DDR1: variants seen among roughly 807,000 people sequenced by gnomAD.
The protein encoded by DDR1 is epithelial discoidin domain-containing receptor 1.
Under a neutral mutation model 97.4 loss-of-function variants are expected in DDR1, and 64 were observed. The ratio of observed to expected loss-of-function variants is 0.66; its 90% confidence interval spans 0.54 to 0.81. DDR1 has a LOEUF of 0.81. Ranked by LOEUF, DDR1 falls within the 30% of genes least tolerant of loss-of-function variation. The pLI is 0.00. For synonymous variants in DDR1, 458 were observed against 503.7 expected (o/e 0.91, Z 1.21); for missense variants, 990 against 1,259.6 (o/e 0.79, Z 3.24).
In DDR1 at chr6:30,897,993, G is replaced by GGGGAGT; in HGVS notation, c.2217-76_2217-71dup. 8.9e-7 allele frequency: 1 copy of GGGGAGT among 1,122,986 alleles called. No individual in the cohort carries two copies. The highest frequency in any genetic ancestry group is 1.4e-5 in the South Asian group (1 of 73,452). 69.6% of individuals were successfully genotyped at this position (1,122,986 alleles called of 1,614,324 possible). On this transcript the variant is annotated intron_variant, in intron 15 of 17. Transcript: ENST00000376568. The surrounding 1 kb of genome is among the most constrained non-coding windows in gnomAD (Gnocchi z 5.2). ...ATGGGGAGCCAGAGTGACCGGGCCCGGGGAGTGGGCTCTCTCTCCTCTCCT... is the reference window on the plus strand; with the variant it reads ...ATGGGGAGCCAGAGTGACCGGGCCCGGGGAGTGGGAGTGGGCTCTCTCTCCTCTCCT...
intron 12 of DDR1, among the ~76,000 whole-genome samples, 187 bp downstream of exon 12, chr6:30,895,701 C>G (rs991945055): frequency 7.9e-5 from 12 of 152,182 alleles, no homozygotes; most frequent in African/African-American, 2.4e-4. Context: ...TAAGGTCCCC[C>G]CCTTGAGCTG....
In DDR1 at chr6:30,897,144, G is replaced by A. The variant is rs906588313; in HGVS notation, c.1997+3G>A. 7 of 1,613,538 alleles carry A rather than the reference G, an allele frequency of 4.3e-6. No homozygotes were observed. The Admixed American group carries it at 1.0e-4, about 23-fold the overall frequency. Reference sequence around the variant, plus strand: ...CCAGATGCCACCAAGAATGCCAGGTGAGGACCAGGGATGGCATCTGGAAGA... The same window carrying A: ...CCAGATGCCACCAAGAATGCCAGGTAAGGACCAGGGATGGCATCTGGAAGA... On this transcript the variant is annotated splice_donor_region_variant and intron_variant, in intron 14 of 17. Transcript: ENST00000376568. The surrounding 1 kb of genome is among the most constrained non-coding windows in gnomAD (Gnocchi z 5.2).
At chr6:30,892,611 T>C (rs1295740833) in intron 8 of DDR1, 69 bp downstream of exon 8, 54 of 1,496,122 alleles carry the variant, frequency 3.6e-5, no homozygotes, top group Middle Eastern at 1.9e-4. Flanking sequence ...AACCCTGCAG[T>C]GTCCCTAAAA....
intron 11 of DDR1, 90 bp from the exon 12 acceptor site, chr6:30,895,314 C>A: frequency 3.3e-6 from 3 of 898,368 alleles, no homozygotes; most frequent in Non-Finnish European, 5.3e-6. Flanking sequence ...ATCCCATCAG[C>A]CCTGGTCTTG....
chr6:30,895,417 C>T lies in DDR1; in HGVS notation c.1527C>T (p.Ser509=). Residue 509 remains serine, a synonymous_variant, in exon 12 of 18, where the codon TCC becomes TCT. Transcript: ENST00000376568. The part of the protein sequence containing the change: ...CVPNGSALLL[S]NPAYRLLLAT... The stretch of plus-strand genomic sequence containing the variant: ...TTCTCCCGACAGCGTTGCTGCTCTC[C>T]AATCCAGCCTACCGCCTCCTTCTGG... 6.2e-7 allele frequency: 1 copy of T among 1,610,874 alleles called. No individual in the cohort carries two copies. Among genetic ancestry groups the T allele is most frequent in the South Asian group, 1.1e-5 (1 of 90,462 alleles).
rs1027010647 is a variant in DDR1, at chr6:30,886,488, G to A, written c.-43+1778G>A. ...CTCAGCTGCTGCTTCAGAGCTCTGG[G>A]GTCTCAGCTGCCTCTTACATTCCTG... On this transcript the variant is annotated intron_variant, in intron 1 of 17. Coordinates refer to ENST00000376568, the MANE Select transcript of DDR1 (RefSeq NM_001297654.2). The surrounding 1 kb of genome is among the most constrained non-coding windows in gnomAD (Gnocchi z 4.6). 6.6e-6 allele frequency among the ~76,000 whole-genome samples: 1 copy of A among 152,172 alleles called. No homozygotes were observed. Among genetic ancestry groups the A allele is most frequent in the Non-Finnish European group, 1.5e-5 (1 of 68,020 alleles).
Position 30,897,210 on chromosome 6 carries a change from G to T in DDR1, c.1997+69G>T. 6.3e-7 allele frequency: 1 copy of T among 1,582,084 alleles called. No individual in the cohort carries two copies. On this transcript the variant is annotated intron_variant, in intron 14 of 17. Transcript: ENST00000376568. The surrounding 1 kb of genome is among the most constrained non-coding windows in gnomAD (Gnocchi z 5.2). ...TGAAGAGTGGGGAGCCATCTAGAGA[G>T]AACAATGGCAGAGCCCAACAGAGGG...
Position 30,893,483 on chromosome 6 carries a change from C to T in DDR1, c.1347+60C>T, listed in dbSNP as rs1254106149. 7.8e-6 allele frequency: 12 copies of T among 1,548,140 alleles called. 1 individual carries two copies. The highest frequency in any genetic ancestry group is 7.2e-5 in the South Asian group (6 of 83,548). Reference sequence around the variant, plus strand: ...GAGGCCAGGCCCCAGCACGAGCCAGCGTCCAGTGGGACCTGCAGGGCACAG... The same window carrying T: ...GAGGCCAGGCCCCAGCACGAGCCAGTGTCCAGTGGGACCTGCAGGGCACAG... On this transcript the variant is annotated intron_variant, in intron 10 of 17. Coordinates refer to ENST00000376568, the MANE Select transcript of DDR1 (RefSeq NM_001297654.2).
chr6:30,894,048 G>A lies in DDR1; in HGVS notation c.1348-458G>A, dbSNP rs1426465206. 6.6e-6 allele frequency among the ~76,000 whole-genome samples: 1 copy of A among 152,010 alleles called. No homozygotes were observed. Among genetic ancestry groups the A allele is most frequent in the Non-Finnish European group, 1.5e-5 (1 of 68,008 alleles). ...GAGGATCACCTGAGGTCAAGAGTTC[G>A]AGACCAGCCTGACCAACATGGTGAA... On this transcript the variant is annotated intron_variant, in intron 10 of 17. Coordinates refer to ENST00000376568, the MANE Select transcript of DDR1 (RefSeq NM_001297654.2). The surrounding 1 kb of genome is among the most constrained non-coding windows in gnomAD (Gnocchi z 5.7).
Position 30,894,409 on chromosome 6 carries a change from G to C in DDR1, c.1348-97G>C. ...TAGTATCCACAGCTGTAGGGCTCTT[G>C]TGAGGGCTGAGGGAGGGAACGCAGG... On this transcript the variant is annotated intron_variant, in intron 10 of 17. Coordinates refer to ENST00000376568, the MANE Select transcript of DDR1 (RefSeq NM_001297654.2). The surrounding 1 kb of genome is among the most constrained non-coding windows in gnomAD (Gnocchi z 5.7). 7.9e-7 allele frequency: 1 copy of C among 1,264,132 alleles called. No homozygotes were observed. Among genetic ancestry groups the C allele is most frequent in the South Asian group, 1.6e-5 (1 of 62,226 alleles). The allele number at this position is 1,264,132 out of a possible 1,614,324, so 78.3% of individuals were successfully genotyped here. A position where few individuals can be genotyped will look rare whatever the true frequency, so the allele number is the denominator to read the frequency against.
rs1427342726 is a variant in DDR1 at position 30,884,763 on chromosome 6, G to C, written c.-43+53G>C. 1 of 167,068 alleles carries C rather than the reference G, an allele frequency of 6.0e-6. No individual in the cohort carries two copies. The highest frequency in any genetic ancestry group is 2.4e-5 in the African/African-American group (1 of 42,000). 10.3% of individuals were successfully genotyped at this position (167,068 alleles called of 1,614,324 possible). ...GGCGGAGGCCTGGGGCTCTTGGGGT[G>C]GGGGCGCGCGGCGGCGCCTGCAGGG... On this transcript the variant is annotated intron_variant, in intron 1 of 17. Transcript: ENST00000376568. The surrounding 1 kb of genome is among the most constrained non-coding windows in gnomAD (Gnocchi z 6.1).
At chr6:30,885,714 T>G in intron 1 of DDR1, 1 of 1,301,156 alleles carries the variant, frequency 7.7e-7, no homozygotes. Flanking sequence ...TGAGCTTCTG[T>G]GTTTGCTCTG....
In DDR1 at chr6:30,899,667, T is replaced by G; in HGVS notation, c.*371T>G. The G allele has an allele frequency of 2.7e-6, 1 of 372,362 alleles. No individual in the cohort carries two copies. Among genetic ancestry groups the G allele is most frequent in the Non-Finnish European group, 4.9e-6 (1 of 203,778 alleles). 23.1% of individuals were successfully genotyped at this position (372,362 alleles called of 1,614,324 possible). ...CCTGGGCCCCACTGGACAACACTGA[T>G]TCCTGGAGAGGTGGCTGCGCCCCCA... is the stretch of plus-strand genomic sequence containing the variant. On this transcript the variant is annotated 3_prime_UTR_variant, in exon 18 of 18. Coordinates refer to ENST00000376568, the MANE Select transcript of DDR1 (RefSeq NM_001297654.2).
intron 12 of DDR1, 46 bp downstream of exon 12, chr6:30,895,560 A>G (rs763558561): frequency 1.1e-5 from 14 of 1,247,422 alleles, no homozygotes; most frequent in African/African-American, 7.4e-5. Context: ...CCATACCTCT[A>G]CTGGGGCAGG....
chr6:30,891,299 C>G lies in DDR1; in HGVS notation c.566-81C>G. ...CCAGTGGAGAGATACAAGAAGGGAC[C>G]TGAAACCTGCCCAGGCCTGATGCAG... On this transcript the variant is annotated intron_variant, in intron 5 of 17. Transcript: ENST00000376568. This position sits in a 1 kb window ranked among gnomAD's most constrained non-coding sequence, Gnocchi z 5.3. 1 of 1,439,744 alleles carries G rather than the reference C, an allele frequency of 6.9e-7. No individual in the cohort carries two copies. Among genetic ancestry groups the G allele is most frequent in the Non-Finnish European group, 9.6e-7 (1 of 1,040,596 alleles). 89.2% of individuals were successfully genotyped at this position (1,439,744 alleles called of 1,614,324 possible).
At position 30,888,643 on chromosome 6, in the gene DDR1, C is replaced by T. The variant is rs763802405; in HGVS notation, c.-42-45C>T. On this transcript the variant is annotated intron_variant, in intron 1 of 17. Coordinates refer to ENST00000376568, the MANE Select transcript of DDR1 (RefSeq NM_001297654.2). The surrounding 1 kb of genome is among the most constrained non-coding windows in gnomAD (Gnocchi z 4.2). ...CTGTCTGTTGCTGTCAGCTATGACT[C>T]AGTCCCCTGATTAACTTACGCACCA... is the stretch of plus-strand genomic sequence containing the variant. 1.9e-6 allele frequency: 3 copies of T among 1,567,394 alleles called. No homozygotes were observed. The highest frequency in any genetic ancestry group is 2.6e-6 in the Non-Finnish European group (3 of 1,155,796).
chr6:30,898,136 C>G lies in DDR1; in HGVS notation c.2280C>G (p.Leu760=). 1 of 1,614,274 alleles carries G rather than the reference C, an allele frequency of 6.2e-7. No homozygotes were observed. Among genetic ancestry groups the G allele is most frequent in the Non-Finnish European group, 8.5e-7 (1 of 1,180,044 alleles). Residue 760 remains leucine (L), a synonymous_variant, in exon 16 of 18, where the codon CTC becomes CTG. Coordinates refer to ENST00000376568, the MANE Select transcript of DDR1 (RefSeq NM_001297654.2). ...IASGMRYLAT[L]NFVHRDLATR... ...CCGGCATGCGCTATCTGGCCACACT[C>G]AACTTTGTACATCGGGACCTGGCCA... is the stretch of plus-strand genomic sequence containing the variant.
In DDR1 at chr6:30,886,360, C is replaced by T. The variant is rs1032187087; in HGVS notation, c.-43+1650C>T. The stretch of plus-strand genomic sequence containing the variant: ...CACCCAGGAATTCCAAGCCAGTCTC[C>T]TGGGACTCTGGCAGCCTGCTCCCCG... On this transcript the variant is annotated intron_variant, in intron 1 of 17. Transcript: ENST00000376568. This position sits in a 1 kb window ranked among gnomAD's most constrained non-coding sequence, Gnocchi z 4.6. Among the ~76,000 whole-genome samples, 1 of 152,138 alleles carries T rather than the reference C, an allele frequency of 6.6e-6. No homozygotes were observed. Among genetic ancestry groups the T allele is most frequent in the African/African-American group, 2.4e-5 (1 of 41,416 alleles).
intron 12 of DDR1, among the ~76,000 whole-genome samples, chr6:30,896,241 T>G (rs1790701281): frequency 6.6e-6 from 1 of 151,602 alleles, no homozygotes; most frequent in South Asian, 2.1e-4. Context: ...GGACAAGGGT[T>G]TGGAAGGTGG....
Sources: gnomAD v4.1 joint callset for allele counts (sites outside exome capture counted in the v4.1 genomes callset) on GRCh38, gnomAD v4.1.1 for gene constraint, Gnocchi (gnomAD v3.1) non-coding constraint, MANE v1.5 for transcripts, NCBI Gene and HGNC (gene_info 2026-07-23, HGNC 2026-07-21) for gene names.